TAFA2: variants seen among roughly 807,000 people sequenced by gnomAD.
The protein encoded by TAFA2 is TAFA chemokine like family member 2.
In TAFA2, 7 loss-of-function variants were observed where a neutral mutation model predicts 18.8. That is an observed-to-expected ratio of 0.37 (90% CI 0.21 to 0.70). TAFA2 has a LOEUF of 0.70. TAFA2 is among the 30% of genes least tolerant of loss of function. The probability of loss-of-function intolerance (pLI) is 0.53; values close to 1 mark genes in which losing one functional copy is unlikely to be tolerated. For synonymous variants in TAFA2, 60 were observed against 54.2 expected (o/e 1.11, Z -0.47); for missense variants, 122 against 158.1 (o/e 0.77, Z 1.23).
chr12:62,079,080 T>G (rs929481415), intron 1 of TAFA2, among the ~76,000 whole-genome samples: 2 of 152,178 alleles, frequency 1.3e-5, no homozygotes, highest in African/African-American at 4.8e-5. Flanking sequence ...GAAGTCACAC[T>G]GAGTTTACGA....
chr12:61,936,605 T>TAAAC (rs954234232), intron 1 of TAFA2, among the ~76,000 whole-genome samples: 1 of 151,194 alleles, frequency 6.6e-6, no homozygotes, highest in African/African-American at 2.4e-5. Flanking sequence ...AATAAATAAA[T>TAAAC]AAATAAATCC....
At chr12:62,166,882 A>G (rs1224851191) in intron 1 of TAFA2, among the ~76,000 whole-genome samples, 1 of 152,216 alleles carries the variant, frequency 6.6e-6, no homozygotes, top group African/African-American at 2.4e-5. Flanking sequence ...CAGTGAAATA[A>G]AACCTTTGAT....
chr12:61,960,627 C>T (rs529709523), intron 1 of TAFA2, among the ~76,000 whole-genome samples: 16 of 152,078 alleles, frequency 1.1e-4, no homozygotes, highest in South Asian at 8.3e-4. Context: ...ATAAGCATTG[C>T]TGTTACCCAC....
At chr12:61,799,190 T>G (rs1871303976) in intron 2 of TAFA2, among the ~76,000 whole-genome samples, 1 of 152,114 alleles carries the variant, frequency 6.6e-6, no homozygotes, top group African/African-American at 2.4e-5. Flanking sequence ...TATCACAGAG[T>G]CTGTTTATAT....
At chr12:61,772,748 G>T (rs1448745637) in intron 2 of TAFA2, among the ~76,000 whole-genome samples, 1 of 151,720 alleles carries the variant, frequency 6.6e-6, no homozygotes, top group Non-Finnish European at 1.5e-5. Context: ...CCCATAGTCA[G>T]TATTATACTG....
At chr12:61,845,701 A>G (rs1401835715) in intron 2 of TAFA2, among the ~76,000 whole-genome samples, 2 of 152,130 alleles carry the variant, frequency 1.3e-5, no homozygotes, top group African/African-American at 2.4e-5. Flanking sequence ...CTATCTTAGC[A>G]TTTGGACTTA....
chr12:62,256,637 T>C (rs962503830), intron 1 of TAFA2, among the ~76,000 whole-genome samples: 11 of 152,230 alleles, frequency 7.2e-5, no homozygotes, highest in Admixed American at 5.9e-4. Context: ...AATCCAAGTA[T>C]AGTGGCTCTT....
At chr12:61,891,171 T>C in intron 1 of TAFA2, among the ~76,000 whole-genome samples, 1 of 152,138 alleles carries the variant, frequency 6.6e-6, no homozygotes, top group Non-Finnish European at 1.5e-5. Context: ...ATTTTAAGTA[T>C]TGATCAGTGT....
At chr12:62,109,316 T>A (rs1463402967) in intron 1 of TAFA2, among the ~76,000 whole-genome samples, 1 of 152,198 alleles carries the variant, frequency 6.6e-6, no homozygotes, top group Non-Finnish European at 1.5e-5. Flanking sequence ...TTCTGAGGCC[T>A]CTGTTCTGTT....
intron 1 of TAFA2, among the ~76,000 whole-genome samples, chr12:62,138,082 A>C (rs1378859170): frequency 6.6e-6 from 1 of 151,992 alleles, no homozygotes; most frequent in East Asian, 1.9e-4. Flanking sequence ...TTTGCCTCAA[A>C]TGCCGCCTCC....
At chr12:62,205,605 C>T (rs1256101804) in intron 1 of TAFA2, among the ~76,000 whole-genome samples, 1 of 152,198 alleles carries the variant, frequency 6.6e-6, no homozygotes, top group Non-Finnish European at 1.5e-5. Context: ...GGGAGTCTGG[C>T]CATGATCTGC....
intron 1 of TAFA2, among the ~76,000 whole-genome samples, chr12:61,930,840 C>T (rs533749915): frequency 3.0e-4 from 46 of 152,280 alleles, no homozygotes; most frequent in African/African-American, 1.1e-3. Flanking sequence ...TTGTCAGGTG[C>T]CATGAGGCAC....
At chr12:61,872,445 G>C (rs1164024721) in intron 1 of TAFA2, among the ~76,000 whole-genome samples, 1 of 152,032 alleles carries the variant, frequency 6.6e-6, no homozygotes, top group Non-Finnish European at 1.5e-5. Flanking sequence ...ATGCGCGGTG[G>C]ATTAGTCACG....
At chr12:61,822,743 C>A (rs1404946894) in intron 2 of TAFA2, among the ~76,000 whole-genome samples, 1 of 152,052 alleles carries the variant, frequency 6.6e-6, no homozygotes, top group Non-Finnish European at 1.5e-5. Context: ...TAAAACTAAG[C>A]CTTGACTTTT....
intron 1 of TAFA2, among the ~76,000 whole-genome samples, chr12:61,962,124 A>G (rs1193054516): frequency 6.6e-6 from 1 of 151,972 alleles, no homozygotes; most frequent in East Asian, 1.9e-4. Context: ...TTCATTGTTC[A>G]TTGTCAAAGA....
At chr12:62,249,974 T>C (rs111592837) in intron 1 of TAFA2, among the ~76,000 whole-genome samples, 9 of 152,296 alleles carry the variant, frequency 5.9e-5, no homozygotes, top group African/African-American at 2.2e-4. Context: ...GTCCATTTAG[T>C]GTTACTCTAA....
At chr12:62,059,505 A>C (rs920888448) in intron 1 of TAFA2, among the ~76,000 whole-genome samples, 6 of 151,884 alleles carry the variant, frequency 4.0e-5, no homozygotes, top group African/African-American at 1.5e-4. Flanking sequence ...AGAAAAGTAA[A>C]GTGTGGTAAG....
intron 1 of TAFA2, among the ~76,000 whole-genome samples, chr12:62,019,777 A>T (rs1432424939): frequency 6.6e-6 from 1 of 151,936 alleles, no homozygotes; most frequent in African/African-American, 2.4e-5. Flanking sequence ...TATGTAACAA[A>T]CCTGCACGTT....
intron 1 of TAFA2, among the ~76,000 whole-genome samples, chr12:62,042,518 G>C (rs556065424): frequency 1.6e-4 from 25 of 151,818 alleles, no homozygotes; most frequent in African/African-American, 6.0e-4. Context: ...GTCCCTGCTG[G>C]AATAGAGCCT....
Sources: allele counts gnomAD v4.1 joint callset (sites outside exome capture counted in the v4.1 genomes callset), GRCh38; gene constraint gnomAD v4.1.1; transcripts MANE v1.5; gene names NCBI Gene and HGNC (gene_info 2026-07-23, HGNC 2026-07-21).